WDFY3: variants seen among roughly 807,000 people sequenced by gnomAD.
The protein encoded by WDFY3 is WD repeat and FYVE domain-containing protein 3.
In WDFY3, 66 loss-of-function variants were observed where a neutral mutation model predicts 409.6. The ratio of observed to expected loss-of-function variants is 0.16; its 90% confidence interval spans 0.13 to 0.20. WDFY3 has a LOEUF of 0.20. WDFY3 is among the 10% of genes least tolerant of loss of function. The pLI, the probability that WDFY3 is intolerant of heterozygous loss-of-function variation, is 1.00. For missense variants in WDFY3, 3,031 were observed against 4,298.1 expected, an observed-to-expected ratio of 0.71 and a Z score of 8.24; for synonymous variants, 1,521 against 1,537.1, an observed-to-expected ratio of 0.99 and a Z score of 0.25.
intron 47 of WDFY3, among the ~76,000 whole-genome samples, chr4:84,720,846 G>A (rs1015368300): frequency 6.6e-6 from 1 of 152,162 alleles, no homozygotes; most frequent in African/African-American, 2.4e-5. Flanking sequence ...ACACAACATG[G>A]TGGGTGTAAT....
chr4:84,682,401 G>A lies in WDFY3; in HGVS notation c.9796C>T (p.Gln3266Ter). 1 of 1,613,958 alleles carries A rather than the reference G, an allele frequency of 6.2e-7. No homozygotes were observed. Among genetic ancestry groups the A allele is most frequent in the Non-Finnish European group, 8.5e-7 (1 of 1,179,996 alleles). The stretch of plus-strand genomic sequence containing the variant: ...ATTTGTGCTTCTGGACAGTCTTCCT[G>A]CATTTCTAGGACTTCAGCAGGCTCA... ...APEPAEVLEM[Q>*]EDCPEAQIGQ... Residue 3266 changes from glutamine (Q) to a stop codon, truncating the protein, a stop_gained, in exon 64 of 68, where the codon CAG becomes TAG. Transcript: ENST00000295888. LOFTEE classifies it high-confidence loss of function.
At chr4:84,863,922 C>T (rs915792220) in intron 3 of WDFY3, among the ~76,000 whole-genome samples, 3 of 152,096 alleles carry the variant, frequency 2.0e-5, no homozygotes, top group Non-Finnish European at 4.4e-5. Context: ...ATGCCAGTAC[C>T]ATACTATTAA....
chr4:84,695,095 A>G, intron 58 of WDFY3, among the ~76,000 whole-genome samples: 1 of 152,078 alleles, frequency 6.6e-6, no homozygotes, highest in South Asian at 2.1e-4. Context: ...TGCCTTCTCC[A>G]CACTGTGGAG....
At chr4:84,680,980 A>G (rs1727248828) in intron 64 of WDFY3, among the ~76,000 whole-genome samples, 1 of 152,184 alleles carries the variant, frequency 6.6e-6, no homozygotes, top group Admixed American at 6.5e-5. Flanking sequence ...CCTGCTTCCT[A>G]CTCAGTAGGG....
chr4:84,923,554 A>G (rs902301629), intron 2 of WDFY3, among the ~76,000 whole-genome samples: 1 of 152,162 alleles, frequency 6.6e-6, no homozygotes, highest in African/African-American at 2.4e-5. Context: ...TGGCAATTTA[A>G]TTCTTGGGCC....
At chr4:84,747,571 T>C (rs1280766092) in intron 36 of WDFY3, among the ~76,000 whole-genome samples, 1 of 152,172 alleles carries the variant, frequency 6.6e-6, no homozygotes, top group African/African-American at 2.4e-5. Flanking sequence ...ATGTTGGCTG[T>C]ATCCCCTACC....
At chr4:84,815,055 A>T (rs1753085524) in intron 13 of WDFY3, among the ~76,000 whole-genome samples, 1 of 152,104 alleles carries the variant, frequency 6.6e-6, no homozygotes, top group South Asian at 2.1e-4. Flanking sequence ...CTTTTGTAAC[A>T]CTGGTCTGTC....
chr4:84,928,099 T>TTGAGGAACAGTGGGCACTGTTC (rs1770244998), intron 2 of WDFY3, among the ~76,000 whole-genome samples: 1 of 152,164 alleles, frequency 6.6e-6, no homozygotes, highest in Non-Finnish European at 1.5e-5. Context: ...CACTGTCAAA[T>TTGAGGAACAGTGGGCACTGTTC]CAGCTGGGGA....
rs770836364 is a variant in WDFY3 at position 84,810,112 on chromosome 4, T to G, written c.2120A>C (p.Lys707Thr). 6.2e-7 allele frequency: 1 copy of G among 1,614,164 alleles called. No homozygotes were observed. Among genetic ancestry groups the G allele is most frequent in the Non-Finnish European group, 8.5e-7 (1 of 1,180,002 alleles). ...CAACTTCTCATACTGAATCTCTGTT[T>G]TGAAGAAATGAGAGTTGGCTGGCTC... ...RYEPANSHFFKTEIQYEKLAD... is the reference protein window; with the variant it reads ...RYEPANSHFFTTEIQYEKLAD... The change falls in exon 14 of 68, where the codon AAA becomes ACA. Residue 707 changes from lysine (K) to threonine (T), a missense_variant. Lys to Thr is a moderately conservative substitution (Grantham distance 78). This residue lies in a region of WDFY3 where 1,322 missense variants were observed against 1,697.9 expected (regional missense o/e 0.78). Transcript: ENST00000295888.
At chr4:84,804,968 A>C (rs1751268115) in intron 15 of WDFY3, among the ~76,000 whole-genome samples, 1 of 152,172 alleles carries the variant, frequency 6.6e-6, no homozygotes, top group South Asian at 2.1e-4. Context: ...TAATCCAAAA[A>C]TCTGAAATCT....
chr4:84,691,135 C>T (rs1729194163), intron 60 of WDFY3, among the ~76,000 whole-genome samples: 1 of 152,166 alleles, frequency 6.6e-6, no homozygotes, highest in Admixed American at 6.5e-5. Flanking sequence ...GGAGGGCAAA[C>T]ACAGGGCACT....
At chr4:84,748,770 G>C (rs1739960874) in intron 36 of WDFY3, among the ~76,000 whole-genome samples, 1 of 152,116 alleles carries the variant, frequency 6.6e-6, no homozygotes, top group Admixed American at 6.6e-5. Context: ...CTTTTATGAT[G>C]AAATTCTAAC....
chr4:84,796,445 A>T, intron 19 of WDFY3, 76 bp downstream of exon 19: 2 of 913,254 alleles, frequency 2.2e-6, no homozygotes, highest in South Asian at 4.1e-5. Flanking sequence ...AAGTATATTT[A>T]AAACCAAAGA....
chr4:84,727,013 T>A, intron 44 of WDFY3, 102 bp from the exon 45 acceptor site: 1 of 1,049,170 alleles, frequency 9.5e-7, no homozygotes, highest in Non-Finnish European at 1.4e-6. Context: ...ATGAAAGATG[T>A]AGTTACTCAA....
intron 1 of WDFY3, among the ~76,000 whole-genome samples, chr4:84,945,763 C>T (rs1043837431): frequency 4.6e-5 from 7 of 152,174 alleles, no homozygotes; most frequent in African/African-American, 1.7e-4. Flanking sequence ...TATATTTCAT[C>T]TGCTTTCAAA....
intron 10 of WDFY3, among the ~76,000 whole-genome samples, chr4:84,823,737 T>C (rs1418874933): frequency 2.0e-5 from 3 of 152,168 alleles, no homozygotes; most frequent in African/African-American, 7.2e-5. Context: ...TATTACATAC[T>C]TAGTAGAATG....
rs1047643063 is a variant in WDFY3, at chr4:84,829,124, A to G, written c.836T>C (p.Ile279Thr). The G allele has an allele frequency of 1.2e-6, 2 of 1,613,754 alleles. No homozygotes were observed. Among genetic ancestry groups the G allele is most frequent in the South Asian group, 1.1e-5 (1 of 91,038 alleles). ...AGAAAGCCCAGCAAACATTTCGACA[A>G]TTTCTAGGGGAGACAGGTCATCTGA... ...QQSDDLSPLEIVEMFAGLSCF... is the reference protein window; with the variant it reads ...QQSDDLSPLETVEMFAGLSCF... The change falls in exon 9 of 68, where the codon ATT (isoleucine) becomes ACT (threonine). Residue 279 changes from isoleucine (I) to threonine (T), a missense_variant. Physicochemically the swap from Ile to Thr is moderately conservative, Grantham distance 89. Transcript: ENST00000295888.
chr4:84,780,030 A>G, intron 26 of WDFY3, 78 bp downstream of exon 26: 1 of 1,407,322 alleles, frequency 7.1e-7, no homozygotes, highest in African/African-American at 1.4e-5. Context: ...CAGAGTTTCA[A>G]ACAACATGAA....
rs540163446 is a variant in WDFY3, at chr4:84,926,962, C to T, written c.-132+5308G>A. ...TTTTGTATGATTTCTGCTAACCCTG[C>T]TAACAAGTAAAAAGGAATACCACGT... is the stretch of plus-strand genomic sequence containing the variant. On this transcript the variant is annotated intron_variant, in intron 2 of 67. Transcript: ENST00000295888. Among the ~76,000 whole-genome samples the T allele has an allele frequency of 3.9e-5, 6 of 152,246 alleles. No homozygotes were observed. The South Asian group carries it at 1.2e-3, about 32-fold the overall frequency.
Sources: allele counts gnomAD v4.1 joint callset (sites outside exome capture counted in the v4.1 genomes callset), GRCh38; gene constraint gnomAD v4.1.1; regional missense constraint gnomAD v4.1.1; transcripts MANE v1.5; gene names NCBI Gene and HGNC (gene_info 2026-07-23, HGNC 2026-07-21).